The following ATRNL1 variants were observed in gnomAD, a reference collection of about 807,000 sequenced individuals.
ATRNL1 encodes attractin like 1.
Under a neutral mutation model 182.7 loss-of-function variants are expected in ATRNL1, and 95 were observed. The observed-to-expected ratio is 0.52, with a 90% CI of 0.44 to 0.62. ATRNL1 has a LOEUF of 0.62. Among genes scored for constraint, ATRNL1 ranks in the 20% least tolerant of loss-of-function variants. ATRNL1 has a pLI of 0.00. For synonymous variants in ATRNL1, 576 were observed against 568.3 expected, an observed-to-expected ratio of 1.01 and a Z score of -0.19; for missense variants, 1,471 against 1,679.5, an observed-to-expected ratio of 0.88 and a Z score of 2.17.
chr10:115,406,962 T>C (rs540862969), intron 20 of ATRNL1, among the ~76,000 whole-genome samples: 1 of 152,286 alleles, frequency 6.6e-6, no homozygotes, highest in African/African-American at 2.4e-5. Context: ...AGATAGCCAG[T>C]TGGTCATGGA....
At chr10:115,636,919 T>C (rs945263506) in intron 26 of ATRNL1, among the ~76,000 whole-genome samples, 4 of 152,090 alleles carry the variant, frequency 2.6e-5, no homozygotes, top group African/African-American at 9.7e-5. Flanking sequence ...CAAAATTTCA[T>C]CATCAGACTG....
At position 115,685,681 on chromosome 10, in the gene ATRNL1, A is replaced by G. The variant is rs140747173; in HGVS notation, c.3796-41567A>G. Among the ~76,000 whole-genome samples the G allele has an allele frequency of 7.6e-3, 1,151 of 152,030 alleles. 15 individuals are homozygous for G. The highest frequency in any genetic ancestry group is 0.012 in the Non-Finnish European group (782 of 67,798). Reference sequence around the variant, plus strand: ...TGAATGTGAAGGTATTTTACAAAATATACCTATTTGCTACAATAGATTGAA... The same window carrying G: ...TGAATGTGAAGGTATTTTACAAAATGTACCTATTTGCTACAATAGATTGAA... On this transcript the variant is annotated intron_variant, in intron 26 of 28. Transcript: ENST00000355044.
intron 24 of ATRNL1, among the ~76,000 whole-genome samples, chr10:115,480,774 G>A (rs1169584960): frequency 6.6e-6 from 1 of 150,986 alleles, no homozygotes; most frequent in African/African-American, 2.4e-5. Flanking sequence ...TGCCCACAAA[G>A]CTGAAAATAT....
intron 28 of ATRNL1, among the ~76,000 whole-genome samples, chr10:115,865,814 G>T (rs1308997262): frequency 6.6e-6 from 1 of 152,144 alleles, no homozygotes; most frequent in Non-Finnish European, 1.5e-5. Context: ...CACATTAGCT[G>T]CTGAAAAGGG....
intron 25 of ATRNL1, among the ~76,000 whole-genome samples, chr10:115,536,002 G>A (rs917839490): frequency 1.9e-4 from 29 of 151,190 alleles, no homozygotes; most frequent in Admixed American, 1.6e-3. Context: ...GCTGTGTGAC[G>A]TGTCAGTCTG....
intron 26 of ATRNL1, among the ~76,000 whole-genome samples, chr10:115,616,664 A>G (rs1238124212): frequency 2.0e-5 from 3 of 152,132 alleles, no homozygotes; most frequent in African/African-American, 7.2e-5. Context: ...CCCACATCCT[A>G]GTCACTCCAG....
intron 9 of ATRNL1, among the ~76,000 whole-genome samples, chr10:115,239,554 A>G (rs2255916): frequency 0.033 from 5,007 of 151,870 alleles, 101 homozygotes; most frequent in African/African-American, 0.049. Context: ...TTCTTAGCCT[A>G]CCTCTCCTCC....
intron 18 of ATRNL1, among the ~76,000 whole-genome samples, chr10:115,331,301 C>T (rs1855208537): frequency 6.6e-6 from 1 of 152,232 alleles, no homozygotes; most frequent in Non-Finnish European, 1.5e-5. Flanking sequence ...ACCTTGTGAT[C>T]TGTCTGCCTC....
At chr10:115,668,549 CA>C (rs1861132189) in intron 26 of ATRNL1, among the ~76,000 whole-genome samples, 1 of 152,052 alleles carries the variant, frequency 6.6e-6, no homozygotes, top group Admixed American at 6.6e-5. Flanking sequence ...GCCATTATTT[CA>C]AAATGAAATC....
intron 9 of ATRNL1, among the ~76,000 whole-genome samples, chr10:115,227,344 A>G (rs968813101): frequency 1.2e-4 from 18 of 152,162 alleles, no homozygotes; most frequent in Non-Finnish European, 2.1e-4. Flanking sequence ...TCATTAGAGA[A>G]ATGCAAATGA....
At chr10:115,757,091 A>G (rs1555072263) in intron 27 of ATRNL1, among the ~76,000 whole-genome samples, 2 of 152,122 alleles carry the variant, frequency 1.3e-5, no homozygotes, top group African/African-American at 4.8e-5. Flanking sequence ...TAGCACACTA[A>G]TGGGTCTTGA....
intron 5 of ATRNL1, among the ~76,000 whole-genome samples, chr10:115,150,819 A>C (rs1554880418): frequency 6.6e-6 from 1 of 152,116 alleles, no homozygotes; most frequent in Admixed American, 6.5e-5. Flanking sequence ...GGTGTGCTGC[A>C]CCCATTAACT....
At chr10:115,579,556 T>A (rs1022717438) in intron 26 of ATRNL1, among the ~76,000 whole-genome samples, 1 of 151,912 alleles carries the variant, frequency 6.6e-6, no homozygotes, top group Admixed American at 6.6e-5. Context: ...TCTTTTGGTT[T>A]CCATTTGCAT....
intron 28 of ATRNL1, among the ~76,000 whole-genome samples, chr10:115,885,413 A>G (rs1431536050): frequency 1.3e-5 from 2 of 152,194 alleles, no homozygotes; most frequent in African/African-American, 4.8e-5. Flanking sequence ...TTTTCTTGGC[A>G]TGCCTCAAAT....
At chr10:115,826,877 C>T (rs2134299431) in intron 27 of ATRNL1, among the ~76,000 whole-genome samples, 1 of 152,300 alleles carries the variant, frequency 6.6e-6, no homozygotes, top group East Asian at 1.9e-4. Flanking sequence ...TAGAAGTTCT[C>T]ACTCTAGTTC....
intron 25 of ATRNL1, among the ~76,000 whole-genome samples, chr10:115,530,191 T>G (rs1282925782): frequency 1.3e-5 from 2 of 152,200 alleles, no homozygotes; most frequent in African/African-American, 4.8e-5. Flanking sequence ...CACATTTGTG[T>G]GTAAGTTTTT....
intron 8 of ATRNL1, among the ~76,000 whole-genome samples, chr10:115,194,340 A>T (rs1248133990): frequency 6.6e-6 from 1 of 151,984 alleles, no homozygotes; most frequent in Non-Finnish European, 1.5e-5. Flanking sequence ...CTCTTTTTAG[A>T]TCTAATAATG....
At chr10:115,384,275 A>G (rs985762765) in intron 19 of ATRNL1, among the ~76,000 whole-genome samples, 4 of 152,052 alleles carry the variant, frequency 2.6e-5, no homozygotes, top group African/African-American at 9.7e-5. Flanking sequence ...GTGCCCTTAG[A>G]TAAATGTTGT....
At chr10:115,270,324 A>C in intron 13 of ATRNL1, among the ~76,000 whole-genome samples, 1 of 114,996 alleles carries the variant, frequency 8.7e-6, no homozygotes, top group South Asian at 2.6e-4. Flanking sequence ...ATATATAAAT[A>C]TATTTGTTTA....
Sources: gnomAD v4.1 joint callset for allele counts (sites outside exome capture counted in the v4.1 genomes callset) on GRCh38, gnomAD v4.1.1 for gene constraint, MANE v1.5 for transcripts, NCBI Gene and HGNC (gene_info 2026-07-23, HGNC 2026-07-21) for gene names.